The following CCND3 variants were observed in gnomAD, a reference collection of about 807,000 sequenced individuals.
CCND3 encodes the protein cyclin D3, also known as G1/S-specific cyclin-D3.
A neutral mutation model predicts 28.7 loss-of-function variants in CCND3; 9 were observed. The observed-to-expected ratio is 0.31, with a 90% CI of 0.19 to 0.55. The LOEUF (loss-of-function observed/expected upper bound fraction) is 0.55. Ranked by LOEUF, CCND3 falls within the 20% of genes least tolerant of loss-of-function variation. The probability of loss-of-function intolerance (pLI) is 0.93; values close to 1 mark genes in which losing one functional copy is unlikely to be tolerated. For synonymous variants in CCND3, 164 were observed against 163.9 expected, an observed-to-expected ratio of 1.00 and a Z score of 0.00; for missense variants, 315 against 385.8, an observed-to-expected ratio of 0.82 and a Z score of 1.54.
In CCND3 at chr6:41,941,499, C is replaced by G. The variant is rs376321266; in HGVS notation, c.151G>C (p.Glu51Gln). The G allele has an allele frequency of 1.9e-6, 3 of 1,608,600 alleles. No homozygotes were observed. Among genetic ancestry groups the G allele is most frequent in the African/African-American group, 1.3e-5 (1 of 74,764 alleles). The change falls in exon 1 of 5, where the codon GAG becomes CAG. Residue 51 changes from glutamate (E) to glutamine (Q), a missense_variant. By Grantham distance (29) the Glu-to-Gln change is conservative. Transcript: ENST00000372991. The surrounding 1 kb of genome is among the most constrained non-coding windows in gnomAD (Gnocchi z 6.1). Reference protein sequence around the residue: ...RASYFQCVQREIKPHMRKMLA... With the variant: ...RASYFQCVQRQIKPHMRKMLA... ...ATCTTCCGCATGTGCGGCTTGATCTCCCGCTGCACGCACTGGAAGTAGGAG... is the reference window on the plus strand; with the variant it reads ...ATCTTCCGCATGTGCGGCTTGATCTGCCGCTGCACGCACTGGAAGTAGGAG...
At chr6:41,959,620 G>A (rs577007784) in intron 1 of CCND3, among the ~76,000 whole-genome samples, 10 of 149,580 alleles carry the variant, frequency 6.7e-5, no homozygotes, top group African/African-American at 1.0e-4. Context: ...CCAGGGAGTC[G>A]GAGGTTGCAG....
intron 1 of CCND3, among the ~76,000 whole-genome samples, chr6:42,041,278 G>A (rs549899581): frequency 1.3e-5 from 2 of 152,330 alleles, no homozygotes; most frequent in African/African-American, 4.8e-5. Context: ...CTGGGCCCAG[G>A]CCGGAAAAGG....
chr6:41,944,238 G>A (rs906397384), upstream of CCND3, among the ~76,000 whole-genome samples: 19 of 152,064 alleles, frequency 1.2e-4, no homozygotes, highest in Admixed American at 5.9e-4. Context: ...TAGGGAGACC[G>A]AAGCAGGAGG....
intron 1 of CCND3, among the ~76,000 whole-genome samples, chr6:41,994,264 A>G (rs148884267): frequency 4.6e-5 from 7 of 152,106 alleles, no homozygotes; most frequent in African/African-American, 1.2e-4. Context: ...AGGCTATCCC[A>G]TATAGTCTAG....
chr6:41,951,563 C>CAAAA (rs1561958126), intron 1 of CCND3, among the ~76,000 whole-genome samples: 1 of 76,988 alleles, frequency 1.3e-5, no homozygotes, highest in Non-Finnish European at 2.7e-5. Flanking sequence ...CACACACACA[C>CAAAA]ACACACACAC....
At chr6:41,962,998 G>A (rs373752844) in intron 1 of CCND3, among the ~76,000 whole-genome samples, 5 of 152,226 alleles carry the variant, frequency 3.3e-5, no homozygotes, top group South Asian at 4.1e-4. Flanking sequence ...TGATCTGCCC[G>A]CCTCGGCCTC....
Position 42,048,705 on chromosome 6 carries a change from G to C in CCND3, c.-250C>G, listed in dbSNP as rs1351732651. 1.9e-6 allele frequency: 1 copy of C among 515,194 alleles called. No individual in the cohort carries two copies. The highest frequency in any genetic ancestry group is 1.4e-5 in the South Asian group (1 of 70,970). The allele number at this position is 515,194 out of a possible 1,614,324, so 31.9% of individuals were successfully genotyped here. Reference sequence around the variant, plus strand: ...GAAGTGTTTACAAAGTCCGCGCCGCGCCGCCGATCCAGAGCTGGGCAGGAA... The same window carrying C: ...GAAGTGTTTACAAAGTCCGCGCCGCCCCGCCGATCCAGAGCTGGGCAGGAA... On this transcript the variant is annotated 5_prime_UTR_variant, in exon 1 of 5. Coordinates refer to the CCND3 transcript ENST00000372988. This position sits in a 1 kb window ranked among gnomAD's most constrained non-coding sequence, Gnocchi z 4.7.
chr6:42,010,554 C>T (rs1467688666), intron 1 of CCND3, among the ~76,000 whole-genome samples: 1 of 152,136 alleles, frequency 6.6e-6, no homozygotes, highest in Non-Finnish European at 1.5e-5. Flanking sequence ...GAAGCACGGC[C>T]CCACCCCATC....
At chr6:42,015,938 A>T (rs1463762803) in intron 1 of CCND3, among the ~76,000 whole-genome samples, 2 of 151,132 alleles carry the variant, frequency 1.3e-5, no homozygotes, top group African/African-American at 2.4e-5. Context: ...TTTATTTTTT[A>T]TTTATTTATT....
chr6:41,954,286 C>T (rs1279167796), intron 1 of CCND3, among the ~76,000 whole-genome samples: 1 of 84,176 alleles, frequency 1.2e-5, no homozygotes, highest in South Asian at 3.7e-4. Flanking sequence ...GGTGTGGTGG[C>T]TCATACCTGT....
chr6:41,992,377 G>T (rs1258818337), intron 1 of CCND3, among the ~76,000 whole-genome samples: 2 of 151,182 alleles, frequency 1.3e-5, no homozygotes, highest in African/African-American at 4.9e-5. Context: ...TGGGCAGGCT[G>T]GTCTCAAACC....
At chr6:41,944,829 T>G (rs938139574), upstream of CCND3, among the ~76,000 whole-genome samples, 10 of 152,110 alleles carry the variant, frequency 6.6e-5, no homozygotes, top group African/African-American at 2.4e-4. Context: ...TGAGCAGGAC[T>G]TTAGGAGAGA....
At chr6:41,975,037 C>A (rs548845244) in intron 1 of CCND3, among the ~76,000 whole-genome samples, 83 of 152,156 alleles carry the variant, frequency 5.5e-4, no homozygotes, top group Non-Finnish European at 9.6e-4. Context: ...CATGATCCAC[C>A]TGCCTCGGCC....
At chr6:42,038,423 C>T (rs1049059828) in intron 1 of CCND3, among the ~76,000 whole-genome samples, 3 of 151,718 alleles carry the variant, frequency 2.0e-5, no homozygotes, top group Non-Finnish European at 4.4e-5. Context: ...GCCTGTGGTC[C>T]CAGTTACTTG....
At chr6:42,034,098 T>A (rs911293704) in intron 1 of CCND3, among the ~76,000 whole-genome samples, 1 of 151,326 alleles carries the variant, frequency 6.6e-6, no homozygotes, top group Non-Finnish European at 1.5e-5. Flanking sequence ...TGTGGTGAGC[T>A]ACGATTGCAC....
intron 1 of CCND3, among the ~76,000 whole-genome samples, chr6:41,959,150 AC>A (rs925349018): frequency 3.5e-4 from 54 of 152,256 alleles, no homozygotes; most frequent in African/African-American, 1.2e-3. Flanking sequence ...CCCCATCTCT[AC>A]TAAAAATACG....
chr6:41,955,142 C>T (rs557803675), intron 1 of CCND3, among the ~76,000 whole-genome samples: 1 of 152,262 alleles, frequency 6.6e-6, no homozygotes, highest in South Asian at 2.1e-4. Flanking sequence ...TTCTCCCAAA[C>T]ATTCAAGAAA....
At position 41,935,836 on chromosome 6, in the gene CCND3, G is replaced by A; in HGVS notation, c.*104C>T. On this transcript the variant is annotated 3_prime_UTR_variant, in exon 5 of 5. Transcript: ENST00000372991. ...CCTTGGGCTTTGTGAAGGGGGAACA[G>A]ACGCCCCTTCAGGCTTAGATGTGGT... 8.9e-7 allele frequency: 1 copy of A among 1,123,720 alleles called. No individual in the cohort carries two copies. The highest frequency in any genetic ancestry group is 1.3e-6 in the Non-Finnish European group (1 of 766,854). 69.6% of individuals were successfully genotyped at this position (1,123,720 alleles called of 1,614,324 possible). A position where few individuals can be genotyped will look rare whatever the true frequency, so the allele number is the denominator to read the frequency against.
At chr6:41,972,240 A>AAAAAG (rs759984779) in intron 1 of CCND3, among the ~76,000 whole-genome samples, 6,317 of 99,658 alleles carry the variant, frequency 0.063, 296 homozygotes, top group South Asian at 0.092. Context: ...AAAAAAAAAA[A>AAAAAG]AAAAGAAAAG....
Sources: allele counts gnomAD v4.1 joint callset (sites outside exome capture counted in the v4.1 genomes callset), GRCh38; gene constraint gnomAD v4.1.1; non-coding constraint Gnocchi (gnomAD v3.1); transcripts MANE v1.5; gene names NCBI Gene and HGNC (gene_info 2026-07-23, HGNC 2026-07-21).